Variants in DENND1B observed in about 807,000 individuals in gnomAD.
The protein encoded by DENND1B is DENN domain containing 1B.
DENND1B carries 59 observed loss-of-function variants against 90.1 expected under a neutral mutation model. The observed-to-expected ratio is 0.65, with a 90% CI of 0.53 to 0.81. The LOEUF is 0.81. DENND1B is among the 40% of genes least tolerant of loss of function. The probability of loss-of-function intolerance (pLI) is 0.00; values close to 1 mark genes in which losing one functional copy is unlikely to be tolerated. For missense variants in DENND1B, 862 were observed against 912.6 expected, an observed-to-expected ratio of 0.94 and a Z score of 0.71; for synonymous variants, 337 against 324.6, an observed-to-expected ratio of 1.04 and a Z score of -0.41.
At chr1:197,561,634 A>G (rs1672171608) in intron 15 of DENND1B, among the ~76,000 whole-genome samples, 2 of 151,664 alleles carry the variant, frequency 1.3e-5, no homozygotes, top group South Asian at 4.2e-4. Flanking sequence ...CCTAATCAAT[A>G]TCCTGCTTGC....
chr1:197,618,619 T>C (rs1268243647), intron 10 of DENND1B, among the ~76,000 whole-genome samples: 1 of 151,222 alleles, frequency 6.6e-6, no homozygotes, highest in African/African-American at 2.4e-5. Flanking sequence ...TTAATGTGAC[T>C]TTCTTTCCAT....
In DENND1B at chr1:197,506,233, G is replaced by A. The variant is rs192212342; in HGVS notation, c.*4227C>T. 8 of 151,596 alleles carry A rather than the reference G, an allele frequency of 5.3e-5. No individual in the cohort carries two copies. In the East Asian group the frequency reaches 1.4e-3, roughly 26 times the overall value. The allele number at this position is 151,596 out of a possible 1,614,324, so 9.4% of individuals were successfully genotyped here. ...TATTTTCAAAATAAAATATTCTTCTGTCTAAATGTATATAATTCCTTATTT... is the reference window on the plus strand; with the variant it reads ...TATTTTCAAAATAAAATATTCTTCTATCTAAATGTATATAATTCCTTATTT... On this transcript the variant is annotated 3_prime_UTR_variant, in exon 23 of 23. Transcript: ENST00000620048.
chr1:197,667,603 TA>T (rs1332200948), intron 5 of DENND1B, among the ~76,000 whole-genome samples: 2 of 152,138 alleles, frequency 1.3e-5, no homozygotes, highest in African/African-American at 4.8e-5. Context: ...CTAATTTTTG[TA>T]TTTTTAGTAG....
At chr1:197,565,374 T>A (rs2125714131) in intron 15 of DENND1B, among the ~76,000 whole-genome samples, 1 of 152,208 alleles carries the variant, frequency 6.6e-6, no homozygotes, top group African/African-American at 2.4e-5. Context: ...TTTCCACTTC[T>A]ACATGCTACA....
At chr1:197,571,926 A>C (rs1388039316) in intron 15 of DENND1B, among the ~76,000 whole-genome samples, 1 of 152,176 alleles carries the variant, frequency 6.6e-6, no homozygotes, top group Middle Eastern at 3.2e-3. Context: ...GATATGAATA[A>C]AAATCTAAAG....
At chr1:197,577,413 C>T (rs116032257) in intron 15 of DENND1B, among the ~76,000 whole-genome samples, 1,751 of 152,220 alleles carry the variant, frequency 0.012, 40 homozygotes, top group African/African-American at 0.04. Context: ...GCATTCTCTT[C>T]TGCCATGGGG....
chr1:197,731,226 C>G (rs968175058), intron 2 of DENND1B, among the ~76,000 whole-genome samples: 3 of 151,948 alleles, frequency 2.0e-5, no homozygotes, highest in African/African-American at 7.3e-5. Context: ...TCCTTTGGAA[C>G]AACAAACAGA....
At chr1:197,636,402 T>G (rs551812923) in intron 10 of DENND1B, among the ~76,000 whole-genome samples, 3 of 152,258 alleles carry the variant, frequency 2.0e-5, no homozygotes, top group African/African-American at 2.4e-5. Flanking sequence ...AAGGTAAGGA[T>G]GCATTTGGTT....
In DENND1B at chr1:197,646,341, T is replaced by C. The variant is rs187189390; in HGVS notation, c.508-598A>G. On this transcript the variant is annotated intron_variant, in intron 8 of 22. Transcript: ENST00000620048. ...AACACGTAGTAATCCCAAAATATGATTGTTACACATCTGCCAAATATTAAT... is the reference window on the plus strand; with the variant it reads ...AACACGTAGTAATCCCAAAATATGACTGTTACACATCTGCCAAATATTAAT... Among the ~76,000 whole-genome samples, 25 of 152,092 alleles carry C rather than the reference T, an allele frequency of 1.6e-4. 1 individual carries two copies. The East Asian group carries it at 4.4e-3, about 27-fold the overall frequency.
intron 15 of DENND1B, among the ~76,000 whole-genome samples, chr1:197,564,372 A>G (rs1015106737): frequency 2.1e-4 from 27 of 131,294 alleles, no homozygotes; most frequent in Non-Finnish European, 3.8e-4. Flanking sequence ...AGCCATCAAT[A>G]CTGAGGCAAG....
chr1:197,673,668 T>C (rs1273283868), intron 4 of DENND1B, among the ~76,000 whole-genome samples: 1 of 152,096 alleles, frequency 6.6e-6, no homozygotes, highest in South Asian at 2.1e-4. Flanking sequence ...AATATTACAC[T>C]ACCTCTATAA....
intron 15 of DENND1B, among the ~76,000 whole-genome samples, chr1:197,561,481 T>G (rs1003710409): frequency 1.3e-5 from 2 of 151,876 alleles, no homozygotes; most frequent in African/African-American, 4.8e-5. Context: ...TACTTTCTTA[T>G]CATTTCTATT....
At chr1:197,604,969 A>T (rs1676538416) in intron 13 of DENND1B, among the ~76,000 whole-genome samples, 1 of 151,106 alleles carries the variant, frequency 6.6e-6, no homozygotes, top group Non-Finnish European at 1.5e-5. Flanking sequence ...AATTACTATA[A>T]CTTTAAACCA....
At chr1:197,707,809 T>C (rs866033459) in intron 3 of DENND1B, among the ~76,000 whole-genome samples, 2 of 147,470 alleles carry the variant, frequency 1.4e-5, no homozygotes, top group Admixed American at 1.3e-4. Flanking sequence ...CATTTCCATC[T>C]GAGGTACCGG....
chr1:197,584,027 T>C (rs1209512383), intron 14 of DENND1B, among the ~76,000 whole-genome samples: 1 of 152,154 alleles, frequency 6.6e-6, no homozygotes, highest in Non-Finnish European at 1.5e-5. Flanking sequence ...GACTAAACTT[T>C]ATGACAAAAA....
intron 14 of DENND1B, among the ~76,000 whole-genome samples, chr1:197,585,752 T>A (rs1209221506): frequency 6.6e-6 from 1 of 152,214 alleles, no homozygotes; most frequent in Non-Finnish European, 1.5e-5. Flanking sequence ...TCTTTATTAA[T>A]AATGCTTTAA....
At chr1:197,698,710 G>A (rs904880358) in intron 3 of DENND1B, among the ~76,000 whole-genome samples, 24 of 151,744 alleles carry the variant, frequency 1.6e-4, no homozygotes, top group African/African-American at 5.8e-4. Context: ...CAGACACAAT[G>A]AAAAATGATA....
intron 5 of DENND1B, among the ~76,000 whole-genome samples, chr1:197,659,357 C>T (rs1483980394): frequency 6.6e-6 from 1 of 151,652 alleles, no homozygotes; most frequent in Admixed American, 6.6e-5. Flanking sequence ...CCATTTGAAT[C>T]AGAAACTGAA....
chr1:197,597,657 G>C (rs1675825851), intron 13 of DENND1B, among the ~76,000 whole-genome samples: 1 of 151,696 alleles, frequency 6.6e-6, no homozygotes, highest in African/African-American at 2.4e-5. Context: ...TGAGTTATAA[G>C]GGAGTATTAA....
Sources: gnomAD v4.1 joint callset for allele counts (sites outside exome capture counted in the v4.1 genomes callset) on GRCh38, gnomAD v4.1.1 for gene constraint, MANE v1.5 for transcripts, NCBI Gene and HGNC (gene_info 2026-07-23, HGNC 2026-07-21) for gene names.